The following CNTNAP2 variants were observed in gnomAD, a reference collection of about 807,000 sequenced individuals.
The protein encoded by CNTNAP2 is contactin associated protein 2.
A neutral mutation model predicts 155.2 loss-of-function variants in CNTNAP2; 98 were observed. The observed-to-expected ratio is 0.63, with a 90% CI of 0.54 to 0.75. The LOEUF (loss-of-function observed/expected upper bound fraction) is 0.75, where lower values mean the gene tolerates loss of function less well. Among genes scored for constraint, CNTNAP2 ranks in the 30% least tolerant of loss-of-function variants. The pLI is 0.00. For missense variants in CNTNAP2, 1,727 were observed against 1,688.1 expected (o/e 1.02, Z -0.40); for synonymous variants, 651 against 631.2 (o/e 1.03, Z -0.47).
chr7:147,903,664 A>C lies in CNTNAP2; in HGVS notation c.2198A>C (p.Glu733Ala). The change falls in exon 14 of 24, where the codon GAA (glutamate) becomes GCA (alanine). Residue 733 changes from glutamate (E) to alanine (A), a missense_variant. Glu to Ala is a moderately radical substitution (Grantham distance 107). Coordinates refer to ENST00000361727, the MANE Select transcript of CNTNAP2 (RefSeq NM_014141.6). ...PGIQKCACGI[E>A]RNCTDPKYYC... ...ATCCAGAAATGTGCCTGCGGCATCG[A>C]ACGCAACTGCACAGATCCCAAGTAC... 1 of 1,614,106 alleles carries C rather than the reference A, an allele frequency of 6.2e-7. No homozygotes were observed.
intron 1 of CNTNAP2, among the ~76,000 whole-genome samples, chr7:146,501,584 T>C (rs1797300785): frequency 6.6e-6 from 1 of 152,148 alleles, no homozygotes; most frequent in Non-Finnish European, 1.5e-5. Context: ...TTGCTGTTAA[T>C]TTCTCCTTTT....
intron 2 of CNTNAP2, among the ~76,000 whole-genome samples, chr7:146,799,096 T>A (rs970432771): frequency 6.6e-6 from 1 of 152,232 alleles, no homozygotes; most frequent in Admixed American, 6.5e-5. Flanking sequence ...AAACATTGTG[T>A]CCAGACTGTA....
chr7:147,444,076 C>T (rs984599894), intron 10 of CNTNAP2, among the ~76,000 whole-genome samples: 1 of 152,172 alleles, frequency 6.6e-6, no homozygotes, highest in Non-Finnish European at 1.5e-5. Context: ...AAAGAACAGA[C>T]ACCCAAAGGC....
intron 19 of CNTNAP2, among the ~76,000 whole-genome samples, chr7:148,220,747 G>T (rs1331962974): frequency 6.6e-6 from 1 of 152,040 alleles, no homozygotes; most frequent in East Asian, 1.9e-4. Flanking sequence ...TCAGAAAGAT[G>T]AAAACAGTAA....
chr7:147,381,737 T>G (rs920240743), intron 9 of CNTNAP2, among the ~76,000 whole-genome samples: 1 of 152,122 alleles, frequency 6.6e-6, no homozygotes, highest in Non-Finnish European at 1.5e-5. Flanking sequence ...CAATTTTACG[T>G]TCTTGTAAAT....
At chr7:147,756,519 T>C (rs567640442) in intron 13 of CNTNAP2, among the ~76,000 whole-genome samples, 3 of 152,324 alleles carry the variant, frequency 2.0e-5, no homozygotes, top group African/African-American at 7.2e-5. Context: ...TAGCCGATGT[T>C]TTGTCACAGT....
At chr7:148,094,240 A>G (rs554931312) in intron 15 of CNTNAP2, among the ~76,000 whole-genome samples, 1 of 152,334 alleles carries the variant, frequency 6.6e-6, no homozygotes, top group South Asian at 2.1e-4. Flanking sequence ...GACAGCATCT[A>G]TTTTTTAATG....
intron 13 of CNTNAP2, among the ~76,000 whole-genome samples, chr7:147,684,726 A>G (rs776630786): frequency 6.6e-6 from 1 of 151,986 alleles, no homozygotes; most frequent in African/African-American, 2.4e-5. Context: ...CAAATATTCT[A>G]TATAATCTAG....
intron 1 of CNTNAP2, among the ~76,000 whole-genome samples, chr7:146,426,512 C>T (rs1718100): frequency 0.036 from 5,348 of 149,292 alleles, 339 homozygotes; most frequent in African/African-American, 0.12. Context: ...TACTTGTACA[C>T]GTGTGTATAT....
rs75177723 is a variant in CNTNAP2, at chr7:148,130,057, G to A, written c.2554+11769G>A. Among the ~76,000 whole-genome samples, 200 of 152,318 alleles carry A rather than the reference G, an allele frequency of 1.3e-3. 1 individual carries two copies. The highest frequency in any genetic ancestry group is 4.6e-3 in the African/African-American group (191 of 41,572). ...CTAAGGAGCCATCAGAATGGCCCAC[G>A]ATACCTCAAGCTCAACATATCGAAA... On this transcript the variant is annotated intron_variant, in intron 16 of 23. Coordinates refer to ENST00000361727, the MANE Select transcript of CNTNAP2 (RefSeq NM_014141.6).
intron 12 of CNTNAP2, among the ~76,000 whole-genome samples, chr7:147,563,012 G>A (rs1800093829): frequency 1.3e-5 from 2 of 152,144 alleles, no homozygotes; most frequent in African/African-American, 4.8e-5. Flanking sequence ...ATAATAAGAT[G>A]CTACTGATGG....
chr7:148,365,054 G>A lies in CNTNAP2; in HGVS notation c.3476-18595G>A, dbSNP rs370089934. Among the ~76,000 whole-genome samples, 242 of 152,264 alleles carry A rather than the reference G, an allele frequency of 1.6e-3. 1 individual carries two copies. Among genetic ancestry groups the A allele is most frequent in the Non-Finnish European group, 2.7e-3 (184 of 68,028 alleles). On this transcript the variant is annotated intron_variant, in intron 21 of 23. Transcript: ENST00000361727. Reference sequence around the variant, plus strand: ...CCTTAAGAGCTGTAACAGTCACCGCGAGGGTCCGCGGCTTCATTCTTGAAG... The same window carrying A: ...CCTTAAGAGCTGTAACAGTCACCGCAAGGGTCCGCGGCTTCATTCTTGAAG...
chr7:146,746,845 A>G (rs991437409), intron 1 of CNTNAP2, among the ~76,000 whole-genome samples: 3 of 152,150 alleles, frequency 2.0e-5, no homozygotes, highest in African/African-American at 4.8e-5. Context: ...TTTTATGCTT[A>G]TAGTTGGATA....
At chr7:146,124,885 A>C (rs1797612470) in intron 1 of CNTNAP2, among the ~76,000 whole-genome samples, 1 of 152,200 alleles carries the variant, frequency 6.6e-6, no homozygotes, top group South Asian at 2.1e-4. Context: ...TGGCCATAGA[A>C]TCTTTCTCCA....
chr7:146,492,509 C>A (rs1271766477), intron 1 of CNTNAP2, among the ~76,000 whole-genome samples: 1 of 152,108 alleles, frequency 6.6e-6, no homozygotes, highest in Non-Finnish European at 1.5e-5. Context: ...ATTTGTAAAT[C>A]TTTTCATATC....
intron 1 of CNTNAP2, among the ~76,000 whole-genome samples, chr7:146,122,840 A>G (rs1273850425): frequency 6.6e-6 from 1 of 152,228 alleles, no homozygotes; most frequent in Non-Finnish European, 1.5e-5. Context: ...AGTAAATTAT[A>G]TATGCCTTTA....
At chr7:147,459,113 C>T (rs1384567520) in intron 10 of CNTNAP2, among the ~76,000 whole-genome samples, 3 of 152,232 alleles carry the variant, frequency 2.0e-5, no homozygotes, top group Non-Finnish European at 4.4e-5. Flanking sequence ...CCTCTAGCCA[C>T]ACATGATTGT....
At chr7:147,492,859 G>GC (rs1563226150) in intron 11 of CNTNAP2, among the ~76,000 whole-genome samples, 1 of 151,964 alleles carries the variant, frequency 6.6e-6, no homozygotes, top group African/African-American at 2.4e-5. Flanking sequence ...CCATCTCTCC[G>GC]CCCCCGCTCC....
At chr7:146,545,103 G>T (rs1798010256) in intron 1 of CNTNAP2, among the ~76,000 whole-genome samples, 1 of 151,880 alleles carries the variant, frequency 6.6e-6, no homozygotes, top group South Asian at 2.1e-4. Context: ...TCAGGTAGGA[G>T]GGAGTATGGA....
Sources: allele counts gnomAD v4.1 joint callset (sites outside exome capture counted in the v4.1 genomes callset), GRCh38; gene constraint gnomAD v4.1.1; transcripts MANE v1.5; gene names NCBI Gene and HGNC (gene_info 2026-07-23, HGNC 2026-07-21).